The following AK2 variants were observed in gnomAD, a reference collection of about 807,000 sequenced individuals.
AK2 encodes the protein adenylate kinase 2, also known as adenylate kinase 2, mitochondrial.
In AK2, 15 loss-of-function variants were observed where a neutral mutation model predicts 24.6. The ratio of observed to expected loss-of-function variants is 0.61; its 90% CI spans 0.41 to 0.94. The LOEUF (loss-of-function observed/expected upper bound fraction) is 0.94, where lower values mean the gene tolerates loss of function less well. AK2 is among the 40% of genes least tolerant of loss of function. The probability of loss-of-function intolerance (pLI) is 0.00; values close to 1 mark genes in which losing one functional copy is unlikely to be tolerated. For missense variants in AK2, 257 were observed against 304.1 expected (o/e 0.85, Z 1.15); for synonymous variants, 102 against 114.0 (o/e 0.90, Z 0.67).
At chr1:33,017,546 A>T (rs1179608474) in intron 4 of AK2, among the ~76,000 whole-genome samples, 1 of 152,172 alleles carries the variant, frequency 6.6e-6, no homozygotes, top group Non-Finnish European at 1.5e-5. Context: ...ACTCCCACAC[A>T]CTGCTCTTTT....
intron 1 of AK2, among the ~76,000 whole-genome samples, chr1:33,025,134 G>C (rs1454660086): frequency 2.9e-5 from 4 of 139,892 alleles, no homozygotes; most frequent in African/African-American, 1.0e-4. Flanking sequence ...GCAGTGAGCT[G>C]AGATTGCACC....
At chr1:33,036,710 C>T (rs1640606488) in intron 1 of AK2, 26 bp downstream of exon 1, 1 of 1,556,326 alleles carries the variant, frequency 6.4e-7, no homozygotes, top group Non-Finnish European at 8.7e-7. Flanking sequence ...GCAGGCTCCG[C>T]CGCCAAGCCC....
Position 33,020,166 on chromosome 1 carries a change from TAC to T in AK2, c.425+1199_425+1200del, listed in dbSNP as rs1470236283. On this transcript the variant is annotated intron_variant, in intron 4 of 5. Transcript: ENST00000672715. ...GAGGCATTTCTGTGTTCAATGCTATTACAGAGAAACAAACATGTTAAAACACA... is the reference window on the plus strand; with the variant it reads ...GAGGCATTTCTGTGTTCAATGCTATTAGAGAAACAAACATGTTAAAACACA... The T allele has an allele frequency of 3.9e-6, 6 of 1,521,522 alleles. No homozygotes were observed. The African/African-American group carries it at 7.0e-5, about 18-fold the overall frequency. 94.3% of individuals were successfully genotyped at this position (1,521,522 alleles called of 1,614,324 possible).
rs957933299 is a variant in AK2, at chr1:33,012,375, C to A, written c.*806G>T. The stretch of plus-strand genomic sequence containing the variant: ...AAAAAATTAATGATCCCTGTTCACA[C>A]ACTGACTCACGTGGGTTTTCATCAT... On this transcript the variant is annotated 3_prime_UTR_variant, in exon 6 of 6. Transcript: ENST00000672715. 50 of 1,522,050 alleles carry A rather than the reference C, an allele frequency of 3.3e-5. No individual in the cohort carries two copies. Among genetic ancestry groups the A allele is most frequent in the Non-Finnish European group, 4.0e-5 (46 of 1,140,026 alleles). The allele number at this position is 1,522,050 out of a possible 1,614,324, so 94.3% of individuals were successfully genotyped here.
At chr1:33,026,655 A>T (rs1268485046) in intron 1 of AK2, among the ~76,000 whole-genome samples, 1 of 151,666 alleles carries the variant, frequency 6.6e-6, no homozygotes, top group Non-Finnish European at 1.5e-5. Context: ...AAAATATAAA[A>T]AAATTAGCCG....
chr1:33,023,909 G>A (rs10914644), intron 2 of AK2, among the ~76,000 whole-genome samples: 34,899 of 152,156 alleles, frequency 0.23, 4,938 homozygotes, highest in Admixed American at 0.37. Flanking sequence ...GGTGGCTCAC[G>A]CCTGTAATCC....
Position 33,012,919 on chromosome 1 carries a change from T to A in AK2, c.*262A>T, listed in dbSNP as rs1276539593. Reference sequence around the variant, plus strand: ...TCTCAAAACAACAACAAAAAAGAAGTAAACAGCTGGTAAAGCAACCTAGCC... The same window carrying A: ...TCTCAAAACAACAACAAAAAAGAAGAAAACAGCTGGTAAAGCAACCTAGCC... On this transcript the variant is annotated 3_prime_UTR_variant, in exon 6 of 6. Coordinates refer to ENST00000672715, the MANE Select transcript of AK2 (RefSeq NM_001625.4). 4 of 1,437,126 alleles carry A rather than the reference T, an allele frequency of 2.8e-6. No individual in the cohort carries two copies. The East Asian group carries it at 1.3e-4, about 45-fold the overall frequency. 89.0% of individuals were successfully genotyped at this position (1,437,126 alleles called of 1,614,324 possible).
chr1:33,028,380 A>C (rs1400949945), intron 1 of AK2, among the ~76,000 whole-genome samples: 1 of 152,064 alleles, frequency 6.6e-6, no homozygotes, highest in African/African-American at 2.4e-5. Flanking sequence ...GCATAATCCC[A>C]GTTACTAGGG....
At position 33,008,119 on chromosome 1, in the gene AK2, TTTC is replaced by T. The variant is rs1210773878; in HGVS notation, c.*5059_*5061del. 4.4e-6 allele frequency: 2 copies of T among 454,166 alleles called. No individual in the cohort carries two copies. The highest frequency in any genetic ancestry group is 6.9e-4 in the Middle Eastern group (1 of 1,444). 28.1% of individuals were successfully genotyped at this position (454,166 alleles called of 1,614,324 possible). On this transcript the variant is annotated 3_prime_UTR_variant, in exon 6 of 6. Transcript: ENST00000672715. ...GGTTCCGGATGGTCAGTAAGACAAC[TTTC>T]TTCAATGCCTACATTTTCCCTCTGA...
rs71909186 is a variant in AK2 at position 33,023,401 on chromosome 1, TACAACA to T, written c.219+1035_219+1040del. 6.9e-4 allele frequency among the ~76,000 whole-genome samples: 104 copies of T among 149,818 alleles called. 1 individual carries two copies. Among genetic ancestry groups the T allele is most frequent in the East Asian group, 6.9e-3 (35 of 5,058 alleles). Reference sequence around the variant, plus strand: ...GGGCAACACAGTGAGACTCCATCTCTACAACAACAACAACAACAACAACAACAACAA... The same window carrying T: ...GGGCAACACAGTGAGACTCCATCTCTACAACAACAACAACAACAACAACAA... On this transcript the variant is annotated intron_variant, in intron 2 of 5. Transcript: ENST00000672715.
chr1:33,020,228 CAA>C, intron 4 of AK2: 1 of 1,064,344 alleles, frequency 9.4e-7, no homozygotes. Context: ...CACACACACA[CAA>C]AGTGGCTGTA....
chr1:33,012,074 C>T lies in AK2; in HGVS notation c.*1107G>A. 6.5e-7 allele frequency: 1 copy of T among 1,535,388 alleles called. No homozygotes were observed. The highest frequency in any genetic ancestry group is 1.4e-5 in the African/African-American group (1 of 73,130). ...TAAAAATAAAAGCAAATAAACCTAC[C>T]CTGGTCTCTTTTTGGGGAAGTAGAT... On this transcript the variant is annotated 3_prime_UTR_variant, in exon 6 of 6. Coordinates refer to ENST00000672715, the MANE Select transcript of AK2 (RefSeq NM_001625.4).
At chr1:33,025,440 GC>G (rs1443983863) in intron 1 of AK2, among the ~76,000 whole-genome samples, 1 of 152,180 alleles carries the variant, frequency 6.6e-6, no homozygotes, top group African/African-American at 2.4e-5. Context: ...TCACTAAGTA[GC>G]TGTACTATGG....
At position 33,013,252 on chromosome 1, in the gene AK2, C is replaced by G. The variant is rs185081372; in HGVS notation, c.649G>C (p.Asp217His). The G allele has an allele frequency of 6.2e-7, 1 of 1,614,108 alleles. No individual in the cohort carries two copies. The highest frequency in any genetic ancestry group is 2.2e-5 in the East Asian group (1 of 44,890). The change falls in exon 6 of 6, where the codon GAT becomes CAT. Residue 217 changes from aspartate to histidine, a missense_variant. Transcript: ENST00000672715. Reference protein sequence around the residue: ...HSAIDASQTPDVVFASILAAF... With the variant: ...HSAIDASQTPHVVFASILAAF... ...GCTAGGATGCTTGCGAACACGACAT[C>G]GGGGGTCTGGGATGCATCGATGGCG...
At chr1:33,032,176 T>C (rs538217390) in intron 1 of AK2, 31 of 162,080 alleles carry the variant, frequency 1.9e-4, no homozygotes, top group Admixed American at 3.7e-4. Context: ...CATCTGCCAG[T>C]GGGAGCCAAG....
intron 1 of AK2, among the ~76,000 whole-genome samples, chr1:33,025,504 G>A (rs1395189917): frequency 6.6e-6 from 1 of 152,148 alleles, no homozygotes; most frequent in African/African-American, 2.4e-5. Flanking sequence ...GGCAAAAAAG[G>A]CTCCATCTCA....
intron 1 of AK2, among the ~76,000 whole-genome samples, chr1:33,034,449 TAC>T (rs71833811): frequency 0.2 from 28,070 of 141,502 alleles, 3,051 homozygotes; most frequent in South Asian, 0.34. Context: ...GGGTGCTTGA[TAC>T]ACACACACAC....
intron 2 of AK2, among the ~76,000 whole-genome samples, chr1:33,022,775 C>T (rs1020363750): frequency 3.5e-4 from 54 of 152,270 alleles, no homozygotes; most frequent in African/African-American, 1.3e-3. Flanking sequence ...TGTAGTGAAG[C>T]CTGCCCATCT....
Position 33,012,048 on chromosome 1 carries a change from T to A in AK2, c.*1133A>T. On this transcript the variant is annotated 3_prime_UTR_variant, in exon 6 of 6. Coordinates refer to ENST00000672715, the MANE Select transcript of AK2 (RefSeq NM_001625.4). ...TCACACTTGGAAACACAGGCAAACATTAAAAATAAAAGCAAATAAACCTAC... is the reference window on the plus strand; with the variant it reads ...TCACACTTGGAAACACAGGCAAACAATAAAAATAAAAGCAAATAAACCTAC... 1 of 1,535,354 alleles carries A rather than the reference T, an allele frequency of 6.5e-7. No individual in the cohort carries two copies. Among genetic ancestry groups the A allele is most frequent in the Non-Finnish European group, 8.7e-7 (1 of 1,146,684 alleles).
Sources: gnomAD v4.1 joint callset for allele counts (sites outside exome capture counted in the v4.1 genomes callset) on GRCh38, gnomAD v4.1.1 for gene constraint, MANE v1.5 for transcripts, NCBI Gene and HGNC (gene_info 2026-07-23, HGNC 2026-07-21) for gene names.